CSMD1: variants seen among roughly 807,000 people sequenced by gnomAD.
CSMD1 encodes CUB and Sushi multiple domains 1, also known as CUB and sushi domain-containing protein 1.
A neutral mutation model predicts 417.5 loss-of-function variants in CSMD1; 213 were observed. The ratio of observed to expected loss-of-function variants is 0.51; its 90% CI spans 0.46 to 0.57. The LOEUF is 0.57. Ranked by LOEUF, CSMD1 falls within the 20% of genes least tolerant of loss-of-function variation. The pLI, the probability that CSMD1 is intolerant of heterozygous loss-of-function variation, is 0.00. For synonymous variants in CSMD1, 2,862 were observed against 1,736.8 expected, an observed-to-expected ratio of 1.65 and a Z score of -16.11; for missense variants, 6,923 against 4,529.7, an observed-to-expected ratio of 1.53 and a Z score of -15.17.
chr8:4,625,947 C>T (rs1802080220), intron 2 of CSMD1, among the ~76,000 whole-genome samples: 1 of 152,128 alleles, frequency 6.6e-6, no homozygotes, highest in Non-Finnish European at 1.5e-5. Flanking sequence ...TGGTCTCGAA[C>T]TCCTGACCTC....
At chr8:4,710,537 G>A (rs1172790768) in intron 1 of CSMD1, among the ~76,000 whole-genome samples, 2 of 149,938 alleles carry the variant, frequency 1.3e-5, no homozygotes, top group Non-Finnish European at 3.0e-5. Context: ...AAGATGGTGG[G>A]GGTGGTTATT....
At chr8:4,694,929 A>C (rs1381311658) in intron 1 of CSMD1, among the ~76,000 whole-genome samples, 2 of 152,122 alleles carry the variant, frequency 1.3e-5, no homozygotes, top group African/African-American at 4.8e-5. Flanking sequence ...AACTTCTCTA[A>C]AGCACTATGA....
intron 1 of CSMD1, among the ~76,000 whole-genome samples, chr8:4,883,849 G>A (rs1422612022): frequency 6.6e-6 from 1 of 151,902 alleles, no homozygotes; most frequent in Non-Finnish European, 1.5e-5. Flanking sequence ...ATTTATAACT[G>A]GGGGTGAAAT....
chr8:3,736,660 G>T (rs938324189), intron 6 of CSMD1, among the ~76,000 whole-genome samples: 1 of 152,130 alleles, frequency 6.6e-6, no homozygotes, highest in Admixed American at 6.5e-5. Context: ...CATCACCTGC[G>T]ACCTGGCCTG....
At chr8:4,449,708 G>C (rs1799018641) in intron 2 of CSMD1, among the ~76,000 whole-genome samples, 1 of 152,108 alleles carries the variant, frequency 6.6e-6, no homozygotes, top group African/African-American at 2.4e-5. Context: ...GAGGGAGTAT[G>C]GGGAAGAAAT....
intron 3 of CSMD1, among the ~76,000 whole-genome samples, chr8:4,043,819 G>A (rs889158514): frequency 6.6e-6 from 1 of 152,138 alleles, no homozygotes; most frequent in Non-Finnish European, 1.5e-5. Flanking sequence ...GTCTCCAAAT[G>A]AGGCATCATT....
At chr8:4,059,366 C>T (rs371660314) in intron 3 of CSMD1, among the ~76,000 whole-genome samples, 1 of 152,210 alleles carries the variant, frequency 6.6e-6, no homozygotes, top group East Asian at 1.9e-4. Flanking sequence ...GACACCCTAA[C>T]ATCACAATTA....
intron 8 of CSMD1, among the ~76,000 whole-genome samples, chr8:3,597,008 G>T (rs1040950865): frequency 2.0e-5 from 3 of 152,142 alleles, no homozygotes; most frequent in African/African-American, 7.2e-5. Flanking sequence ...CATGAATCCA[G>T]AACCCAGGTG....
chr8:4,337,006 C>T (rs1296943581), intron 3 of CSMD1, among the ~76,000 whole-genome samples: 1 of 152,028 alleles, frequency 6.6e-6, no homozygotes, highest in Non-Finnish European at 1.5e-5. Context: ...GGCTGACTGG[C>T]CTGCTTACTA....
intron 5 of CSMD1, among the ~76,000 whole-genome samples, chr8:3,802,959 A>C (rs1288982500): frequency 6.6e-6 from 1 of 152,196 alleles, no homozygotes; most frequent in Non-Finnish European, 1.5e-5. Context: ...TAATCAGCCA[A>C]AAATGTTCAT....
intron 1 of CSMD1, among the ~76,000 whole-genome samples, chr8:4,647,631 G>A (rs560682268): frequency 6.7e-6 from 1 of 148,950 alleles, no homozygotes; most frequent in Admixed American, 6.7e-5. Context: ...TGTTCTCATT[G>A]TTCAGCTCCC....
At chr8:3,545,417 C>A (rs1798615972) in intron 10 of CSMD1, among the ~76,000 whole-genome samples, 1 of 152,094 alleles carries the variant, frequency 6.6e-6, no homozygotes, top group Non-Finnish European at 1.5e-5. Flanking sequence ...TCTGATGGTC[C>A]AAGGTGGCCA....
intron 41 of CSMD1, among the ~76,000 whole-genome samples, chr8:3,129,704 C>A (rs1416513736): frequency 6.6e-6 from 1 of 151,882 alleles, no homozygotes; most frequent in African/African-American, 2.4e-5. Flanking sequence ...AACTGTGGAG[C>A]TGGGCCGGGC....
chr8:3,057,726 G>T (rs1023240486), intron 49 of CSMD1, among the ~76,000 whole-genome samples: 5 of 152,082 alleles, frequency 3.3e-5, no homozygotes, highest in Non-Finnish European at 7.3e-5. Context: ...CCTCAAAACG[G>T]TTCTGCTGAA....
intron 3 of CSMD1, among the ~76,000 whole-genome samples, chr8:4,326,751 T>C (rs1427008768): frequency 6.6e-6 from 1 of 152,014 alleles, no homozygotes; most frequent in Non-Finnish European, 1.5e-5. Flanking sequence ...GTAATGCCCA[T>C]CTTCAGAAGA....
rs142303356 is a variant in CSMD1, at chr8:4,319,164, T to C, written c.415+100789A>G. Among the ~76,000 whole-genome samples, 8 of 152,328 alleles carry C rather than the reference T, an allele frequency of 5.3e-5. No homozygotes were observed. The East Asian group carries it at 1.5e-3, about 29-fold the overall frequency. ...AAAATTGGGAAAATACCTGAAAATTTAAACTGTTAGTCAATTTCCCCCAGT... is the reference window on the plus strand; with the variant it reads ...AAAATTGGGAAAATACCTGAAAATTCAAACTGTTAGTCAATTTCCCCCAGT... On this transcript the variant is annotated intron_variant, in intron 3 of 69. Transcript: ENST00000635120.
chr8:4,126,790 A>G (rs1488573170), intron 3 of CSMD1, among the ~76,000 whole-genome samples: 1 of 152,198 alleles, frequency 6.6e-6, no homozygotes, highest in Non-Finnish European at 1.5e-5. Context: ...GCAACACTTC[A>G]TTCTGGAGAT....
rs566782005 is a variant in CSMD1 at position 3,473,524 on chromosome 8, A to G, written c.1449-4700T>C. ...TTTAGAACTATTTTGGCTTGCTAAC[A>G]CTGAGATATTATTTCTTTAAAACAA... is the stretch of plus-strand genomic sequence containing the variant. On this transcript the variant is annotated intron_variant, in intron 11 of 69. Coordinates refer to ENST00000635120, the MANE Select transcript of CSMD1 (RefSeq NM_033225.6). 9.1e-4 allele frequency among the ~76,000 whole-genome samples: 138 copies of G among 152,336 alleles called. 2 individuals are homozygous for G. The South Asian group carries it at 0.027, about 30-fold the overall frequency.
At chr8:3,514,703 T>A (rs1438829699) in intron 10 of CSMD1, among the ~76,000 whole-genome samples, 1 of 152,182 alleles carries the variant, frequency 6.6e-6, no homozygotes, top group African/African-American at 2.4e-5. Flanking sequence ...TTAATATCAT[T>A]TGAAGCTGAA....
Sources: gnomAD v4.1 joint callset for allele counts (sites outside exome capture counted in the v4.1 genomes callset) on GRCh38, gnomAD v4.1.1 for gene constraint, MANE v1.5 for transcripts, NCBI Gene and HGNC (gene_info 2026-07-23, HGNC 2026-07-21) for gene names.